PCNX1: variants seen among roughly 807,000 people sequenced by gnomAD.
PCNX1 encodes pecanex 1, also known as pecanex-like protein 1.
In PCNX1, 78 loss-of-function variants were observed where a neutral mutation model predicts 242.2. The observed-to-expected ratio is 0.32, with a 90% CI of 0.27 to 0.39. PCNX1 has a LOEUF of 0.39. Ranked by LOEUF, PCNX1 falls within the 10% of genes least tolerant of loss-of-function variation. PCNX1 has a pLI of 1.00. For synonymous variants in PCNX1, 1,024 were observed against 1,032.9 expected (o/e 0.99, Z 0.17); for missense variants, 2,581 against 2,856.5 (o/e 0.90, Z 2.20).
intron 1 of PCNX1, among the ~76,000 whole-genome samples, chr14:70,915,796 T>C (rs991027091): frequency 1.3e-5 from 2 of 152,200 alleles, no homozygotes; most frequent in Non-Finnish European, 2.9e-5. Context: ...AGTGAATCTT[T>C]ATATTGAGAG....
In PCNX1 at chr14:70,921,941, T is replaced by C. The variant is rs149848623; in HGVS notation, c.153+13938T>C. ...GTACATTTGGAGGGGGAGTTGTTTT[T>C]CAAAATATATGTCGGGATAGGTGAT... On this transcript the variant is annotated intron_variant, in intron 1 of 35. Coordinates refer to ENST00000304743, the MANE Select transcript of PCNX1 (RefSeq NM_014982.3). 2.6e-3 allele frequency among the ~76,000 whole-genome samples: 394 copies of C among 152,304 alleles called. 1 individual carries two copies. The highest frequency in any genetic ancestry group is 0.01 in the Middle Eastern group (3 of 294).
At chr14:71,013,264 T>C (rs2059872010) in intron 11 of PCNX1, 62 bp downstream of exon 11, 10 of 1,262,588 alleles carry the variant, frequency 7.9e-6, no homozygotes, top group Non-Finnish European at 1.0e-5. Flanking sequence ...GAAGTGTCTT[T>C]AATTACCCAC....
chr14:71,085,722 C>T (rs1258389993), intron 28 of PCNX1: 4 of 250,000 alleles, frequency 1.6e-5, no homozygotes, highest in Non-Finnish European at 2.4e-5. Context: ...TAGGTGTCAT[C>T]GAGGCAGGAA....
At chr14:71,094,709 CTA>C (rs1335513993) in intron 30 of PCNX1, among the ~76,000 whole-genome samples, 3 of 152,132 alleles carry the variant, frequency 2.0e-5, no homozygotes, top group Admixed American at 1.3e-4. Flanking sequence ...GGGAGGATCT[CTA>C]GAGTCCAGGA....
At chr14:71,036,449 A>G (rs1432358499) in intron 19 of PCNX1, among the ~76,000 whole-genome samples, 1 of 152,184 alleles carries the variant, frequency 6.6e-6, no homozygotes, top group Non-Finnish European at 1.5e-5. Context: ...AAGTGCTAGA[A>G]TTACAGATGT....
intron 8 of PCNX1, 28 bp from the exon 9 acceptor site, chr14:71,009,606 C>T: frequency 7.5e-7 from 1 of 1,335,686 alleles, no homozygotes; most frequent in Non-Finnish European, 1.0e-6. Flanking sequence ...ATTCTAATGG[C>T]TTTTTAAAAT....
chr14:70,980,452 CTG>C lies in PCNX1; in HGVS notation c.2311+1807_2311+1808del, dbSNP rs376936724. On this transcript the variant is annotated intron_variant, in intron 6 of 35. Coordinates refer to ENST00000304743, the MANE Select transcript of PCNX1 (RefSeq NM_014982.3). ...GCTTTGGTGGAAGAAATGTAATAGT[CTG>C]TGGGCTGTTTAAAAACATTTTTTTG... 2.5e-4 allele frequency among the ~76,000 whole-genome samples: 38 copies of C among 151,924 alleles called. No homozygotes were observed. In the Middle Eastern group the frequency reaches 0.01, roughly 41 times the overall value.
intron 8 of PCNX1, among the ~76,000 whole-genome samples, chr14:71,008,595 G>C (rs1481525436): frequency 7.0e-6 from 1 of 143,454 alleles, no homozygotes; most frequent in Non-Finnish European, 1.5e-5. Context: ...GGCAGAGCTT[G>C]CAGTGAGCCG....
chr14:71,072,081 A>G (rs992004614), intron 26 of PCNX1, among the ~76,000 whole-genome samples: 3 of 152,188 alleles, frequency 2.0e-5, no homozygotes, highest in African/African-American at 7.2e-5. Context: ...ACCATTATAG[A>G]TACAACAGTA....
chr14:70,989,957 A>G (rs1595156215), intron 7 of PCNX1, among the ~76,000 whole-genome samples: 1 of 152,370 alleles, frequency 6.6e-6, no homozygotes, highest in East Asian at 1.9e-4. Context: ...CTACATTTTA[A>G]TTTCAAATTC....
chr14:71,039,187 C>T (rs1008446858), intron 19 of PCNX1, among the ~76,000 whole-genome samples: 7 of 150,668 alleles, frequency 4.6e-5, no homozygotes, highest in Admixed American at 1.3e-4. Flanking sequence ...CTAACCTGCA[C>T]AATGTGCACA....
chr14:71,033,638 A>C, intron 17 of PCNX1, 100 bp downstream of exon 17: 1 of 686,236 alleles, frequency 1.5e-6, no homozygotes, highest in East Asian at 2.7e-5. Flanking sequence ...GCCTTTCCAA[A>C]GTGCTTTGGC....
chr14:70,961,293 G>T (rs61988734), intron 2 of PCNX1, among the ~76,000 whole-genome samples: 1 of 152,120 alleles, frequency 6.6e-6, no homozygotes, highest in African/African-American at 2.4e-5. Context: ...AACCAAAACA[G>T]CATGGTACTG....
rs1275448593 is a variant in PCNX1, at chr14:71,113,140, T to C, written c.*3205T>C. Reference sequence around the variant, plus strand: ...AACTTGGAAGAGTAAGTGGTGAGGCTGTATGTATATTTTTTAAGAGATTAC... The same window carrying C: ...AACTTGGAAGAGTAAGTGGTGAGGCCGTATGTATATTTTTTAAGAGATTAC... On this transcript the variant is annotated 3_prime_UTR_variant, in exon 36 of 36. Transcript: ENST00000304743. 2.0e-5 allele frequency: 3 copies of C among 152,218 alleles called. No homozygotes were observed. The highest frequency in any genetic ancestry group is 4.4e-5 in the Non-Finnish European group (3 of 68,020). The allele number at this position is 152,218 out of a possible 1,614,324, so 9.4% of individuals were successfully genotyped here.
chr14:71,026,036 A>G (rs535637009), intron 13 of PCNX1, 81 bp from the exon 14 acceptor site: 38 of 828,772 alleles, frequency 4.6e-5, no homozygotes, highest in Middle Eastern at 5.0e-4. Context: ...GAATCCTTAG[A>G]ATAAAGCCAT....
chr14:71,096,989 C>T (rs2062305283), intron 30 of PCNX1, among the ~76,000 whole-genome samples: 1 of 152,032 alleles, frequency 6.6e-6, no homozygotes, highest in African/African-American at 2.4e-5. Flanking sequence ...GATGTACCTC[C>T]CTCCTCCTCC....
In PCNX1 at chr14:70,907,829, ACGGCGGCGGCGC is replaced by A. The variant is rs776463772; in HGVS notation, c.-18_-7del. On this transcript the variant is annotated 5_prime_UTR_variant, in exon 1 of 36. Coordinates refer to ENST00000304743, the MANE Select transcript of PCNX1 (RefSeq NM_014982.3). The stretch of plus-strand genomic sequence containing the variant: ...GGGGACGGCGGCGGCGGCGGCGGCG[ACGGCGGCGGCGC>A]CGGGTGGGGATGGGGTCGCAGACGC... 3 of 1,252,048 alleles carry A rather than the reference ACGGCGGCGGCGC, an allele frequency of 2.4e-6. No individual in the cohort carries two copies. The highest frequency in any genetic ancestry group is 6.5e-5 in the East Asian group (2 of 30,944). 77.6% of individuals were successfully genotyped at this position (1,252,048 alleles called of 1,614,324 possible).
At chr14:71,046,469 C>T (rs2060864095) in intron 20 of PCNX1, among the ~76,000 whole-genome samples, 1 of 151,818 alleles carries the variant, frequency 6.6e-6, no homozygotes, top group South Asian at 2.1e-4. Flanking sequence ...AGAGAACTTC[C>T]TAAAGCCAGG....
rs745499829 is a variant in PCNX1 at position 70,947,111 on chromosome 14, G to A, written c.350G>A (p.Ser117Asn). 3.1e-6 allele frequency: 5 copies of A among 1,608,628 alleles called. No homozygotes were observed. The highest frequency in any genetic ancestry group is 3.4e-6 in the Non-Finnish European group (4 of 1,176,688). Residue 117 changes from serine to asparagine, a missense_variant, in exon 2 of 36, where the codon AGC (serine) becomes AAC (asparagine). Physicochemically the swap from Ser to Asn is conservative, Grantham distance 46. Around this residue, in one of 9 missense-constraint regions of PCNX1, gnomAD observed 1,204 missense variants for 1,216.7 expected, o/e 0.99. Coordinates refer to ENST00000304743, the MANE Select transcript of PCNX1 (RefSeq NM_014982.3). ...QGNCSTRRKD[S>N]NGPSDPGGGI... is the part of the protein sequence containing the mutation. ...AACTGTTCAACCAGGAGAAAAGACA[G>A]CAATGGACCGAGGTAAGGAAACCTA... is the stretch of plus-strand genomic sequence containing the variant.
Sources: allele counts gnomAD v4.1 joint callset (sites outside exome capture counted in the v4.1 genomes callset), GRCh38; gene constraint gnomAD v4.1.1; regional missense constraint gnomAD v4.1.1; transcripts MANE v1.5; gene names NCBI Gene and HGNC (gene_info 2026-07-23, HGNC 2026-07-21).